ATP6V0A4: variants seen among roughly 807,000 people sequenced by gnomAD.
The protein encoded by ATP6V0A4 is V-type proton ATPase 116 kDa subunit a 4.
In ATP6V0A4, 86 loss-of-function variants were observed where a neutral mutation model predicts 107.3. The ratio of observed to expected loss-of-function variants is 0.80; its 90% CI spans 0.67 to 0.96. ATP6V0A4 has a LOEUF of 0.96. Ranked by LOEUF, ATP6V0A4 falls within the 40% of genes least tolerant of loss-of-function variation. The pLI is 0.00. For missense variants in ATP6V0A4, 908 were observed against 1,045.6 expected, an observed-to-expected ratio of 0.87 and a Z score of 1.81; for synonymous variants, 353 against 381.4, an observed-to-expected ratio of 0.93 and a Z score of 0.87.
chr7:138,756,416 T>C, intron 9 of ATP6V0A4, 42 bp downstream of exon 9: 6 of 1,603,858 alleles, frequency 3.7e-6, no homozygotes, highest in Non-Finnish European at 5.1e-6. Flanking sequence ...TATCTAATCC[T>C]GGCCCAAATC....
chr7:138,734,107 G>A (rs199546745), intron 16 of ATP6V0A4, 29 bp downstream of exon 16: 5 of 1,585,560 alleles, frequency 3.2e-6, no homozygotes, highest in Non-Finnish European at 3.5e-6. Context: ...ATCAGACAGA[G>A]CAGGCAGAGA....
intron 2 of ATP6V0A4, among the ~76,000 whole-genome samples, chr7:138,785,742 C>G (rs548714916): frequency 6.6e-6 from 1 of 152,090 alleles, no homozygotes; most frequent in African/African-American, 2.4e-5. Flanking sequence ...TGCACACACA[C>G]GCACACACAC....
In ATP6V0A4 at chr7:138,730,155, G is replaced by A. The variant is rs890716307; in HGVS notation, c.1909-1293C>T. Among the ~76,000 whole-genome samples, 22 of 152,278 alleles carry A rather than the reference G, an allele frequency of 1.4e-4. No individual in the cohort carries two copies. In the South Asian group the frequency reaches 2.5e-3, roughly 17 times the overall value. On this transcript the variant is annotated intron_variant, in intron 17 of 21. Transcript: ENST00000310018. ...CGCCTCGGCCTCCCAAAGTGCTGGGGTTACAGGCATGAGCCGCCGCGCCTG... is the reference window on the plus strand; with the variant it reads ...CGCCTCGGCCTCCCAAAGTGCTGGGATTACAGGCATGAGCCGCCGCGCCTG...
chr7:138,761,013 A>G (rs924057406), intron 7 of ATP6V0A4, among the ~76,000 whole-genome samples: 8 of 151,524 alleles, frequency 5.3e-5, no homozygotes, highest in Non-Finnish European at 8.8e-5. Context: ...GAGTCTTGCT[A>G]TGTTGCTCAG....
chr7:138,749,662 C>A (rs540241556), intron 11 of ATP6V0A4, among the ~76,000 whole-genome samples: 3 of 152,198 alleles, frequency 2.0e-5, no homozygotes, highest in Non-Finnish European at 2.9e-5. Flanking sequence ...ATGGCTCTGG[C>A]CCTTCCCCAA....
rs1563020783 is a variant in ATP6V0A4 at position 138,784,241 on chromosome 7, T to TAC, written c.-18+1916_-18+1917insGT. Among the ~76,000 whole-genome samples the TAC allele has an allele frequency of 4.0e-3, 158 of 39,494 alleles. 4 individuals carry two copies. Among genetic ancestry groups the TAC allele is most frequent in the African/African-American group, 0.011 (142 of 13,390 alleles). 25.9% of individuals were successfully genotyped at this position (39,494 alleles called of 152,430 possible). A position where few individuals can be genotyped will look rare whatever the true frequency, so the allele number is the denominator to read the frequency against. On this transcript the variant is annotated intron_variant, in intron 2 of 21. Transcript: ENST00000310018. ...ATATATATATATATATATACGTATATATATATATATACATATATATATATA... is the reference window on the plus strand; with the variant it reads ...ATATATATATATATATATACGTATATACATATATATATACATATATATATATA...
At chr7:138,713,932 C>G (rs1803884291) in intron 20 of ATP6V0A4, among the ~76,000 whole-genome samples, 1 of 145,156 alleles carries the variant, frequency 6.9e-6, no homozygotes, top group East Asian at 2.0e-4. Context: ...AAAACCCTGT[C>G]TCTACCAAAA....
intron 5 of ATP6V0A4, among the ~76,000 whole-genome samples, chr7:138,767,735 C>T (rs970065824): frequency 6.6e-6 from 1 of 151,902 alleles, no homozygotes. Context: ...GTTCCACTGC[C>T]GAGGATAAAA....
intron 18 of ATP6V0A4, among the ~76,000 whole-genome samples, chr7:138,726,341 A>G (rs1450401281): frequency 6.6e-6 from 1 of 152,174 alleles, no homozygotes; most frequent in Admixed American, 6.5e-5. Context: ...GAGATGTGGG[A>G]GTATGGGGGG....
At chr7:138,729,713 T>C (rs983211816) in intron 17 of ATP6V0A4, among the ~76,000 whole-genome samples, 1 of 152,214 alleles carries the variant, frequency 6.6e-6, no homozygotes, top group Non-Finnish European at 1.5e-5. Flanking sequence ...TGAGAAGGAT[T>C]GAGAGCACGG....
rs559948799 is a variant in ATP6V0A4 at position 138,713,422 on chromosome 7, T to C, written c.2257+2342A>G. 1.4e-4 allele frequency among the ~76,000 whole-genome samples: 22 copies of C among 152,240 alleles called. No individual in the cohort carries two copies. In the South Asian group the frequency reaches 3.7e-3, roughly 26 times the overall value. On this transcript the variant is annotated intron_variant, in intron 20 of 21. Coordinates refer to ENST00000310018, the MANE Select transcript of ATP6V0A4 (RefSeq NM_020632.3). ...GGAGGAAATGAACACAGCTGAGCTG[T>C]GAAGATCACACGAATGCTGAGTACT...
intron 15 of ATP6V0A4, 69 bp from the exon 16 acceptor site, chr7:138,734,323 A>G (rs185271815): frequency 8.4e-5 from 135 of 1,605,858 alleles, no homozygotes; most frequent in Admixed American, 4.0e-4. Context: ...GTTGAGGGCT[A>G]CAGCACAACT....
intron 3 of ATP6V0A4, 45 bp downstream of exon 3, chr7:138,771,086 T>C (rs1212650604): frequency 6.4e-7 from 1 of 1,557,894 alleles, no homozygotes; most frequent in Non-Finnish European, 8.8e-7. Context: ...AGTTATCTAC[T>C]CCCACCCCTG....
rs10528520 is a variant in ATP6V0A4 at position 138,723,523 on chromosome 7, CT to C, written c.2011-1499del. On this transcript the variant is annotated intron_variant, in intron 18 of 21. Coordinates refer to ENST00000310018, the MANE Select transcript of ATP6V0A4 (RefSeq NM_020632.3). ...ACGTATCTGGACCCTTCTTTCTTTT[CT>C]TTTTTTTTTTTTTTTTTTTGAGAAG... Among the ~76,000 whole-genome samples the C allele has an allele frequency of 8.9e-3, 1,145 of 128,172 alleles. 3 individuals carry two copies. The highest frequency in any genetic ancestry group is 0.021 in the African/African-American group (699 of 34,038). The allele number at this position is 128,172 out of a possible 152,430, so 84.1% of individuals were successfully genotyped here.
Position 138,756,441 on chromosome 7 carries a change from C to T in ATP6V0A4, c.722+17G>A, listed in dbSNP as rs907224080. ...TGGCCCAAATCACTGAAGAAAGAGCCATTCACTCCCTCTTACCCATCACAG... is the reference window on the plus strand; with the variant it reads ...TGGCCCAAATCACTGAAGAAAGAGCTATTCACTCCCTCTTACCCATCACAG... On this transcript the variant is annotated intron_variant, in intron 9 of 21. Transcript: ENST00000310018. The T allele has an allele frequency of 6.2e-7, 1 of 1,613,452 alleles. No individual in the cohort carries two copies. The highest frequency in any genetic ancestry group is 1.3e-5 in the African/African-American group (1 of 74,874).
chr7:138,746,546 C>G (rs935731988), intron 13 of ATP6V0A4, among the ~76,000 whole-genome samples: 2 of 151,894 alleles, frequency 1.3e-5, no homozygotes, highest in Admixed American at 6.6e-5. Flanking sequence ...CTCTGTCACC[C>G]AGGCTGGAGT....
At position 138,733,108 on chromosome 7, in the gene ATP6V0A4, C is replaced by G. The variant is rs375527507; in HGVS notation, c.1692-15G>C. On this transcript the variant is annotated splice_polypyrimidine_tract_variant and intron_variant, in intron 16 of 21. Coordinates refer to ENST00000310018, the MANE Select transcript of ATP6V0A4 (RefSeq NM_020632.3). ...TTCTGAAGTATCTGGGGGTGGAAGACACACACATACACAAGATAGAACATC... is the reference window on the plus strand; with the variant it reads ...TTCTGAAGTATCTGGGGGTGGAAGAGACACACATACACAAGATAGAACATC... 1.2e-5 allele frequency: 19 copies of G among 1,613,652 alleles called. No homozygotes were observed. In the African/African-American group the frequency reaches 2.1e-4, roughly 18 times the overall value.
intron 20 of ATP6V0A4, among the ~76,000 whole-genome samples, chr7:138,712,758 T>A (rs142088041): frequency 1.0e-3 from 152 of 149,856 alleles, no homozygotes; most frequent in African/African-American, 3.4e-3. Flanking sequence ...CCTCAGTGTG[T>A]GTATGGGCTG....
chr7:138,754,175 G>A (rs777532890), intron 10 of ATP6V0A4, among the ~76,000 whole-genome samples: 4 of 152,098 alleles, frequency 2.6e-5, no homozygotes, highest in East Asian at 1.9e-4. Context: ...CAGGCCAGGC[G>A]CAGTGGCTCA....
Sources: gnomAD v4.1 joint callset for allele counts (sites outside exome capture counted in the v4.1 genomes callset) on GRCh38, gnomAD v4.1.1 for gene constraint, MANE v1.5 for transcripts, NCBI Gene and HGNC (gene_info 2026-07-23, HGNC 2026-07-21) for gene names.